The following MEGF9 variants were observed in gnomAD, a reference collection of about 807,000 sequenced individuals.
MEGF9 encodes multiple epidermal growth factor-like domains protein 9.
A neutral mutation model predicts 46.8 loss-of-function variants in MEGF9; 6 were observed. The ratio of observed to expected loss-of-function variants is 0.13; its 90% CI spans 0.07 to 0.25. The LOEUF (loss-of-function observed/expected upper bound fraction) is 0.25. Among genes scored for constraint, MEGF9 ranks in the 10% least tolerant of loss-of-function variants. MEGF9 has a pLI of 1.00. For synonymous variants in MEGF9, 302 were observed against 330.7 expected, an observed-to-expected ratio of 0.91 and a Z score of 0.94; for missense variants, 683 against 792.4, an observed-to-expected ratio of 0.86 and a Z score of 1.66.
At chr9:120,620,135 C>T (rs1198988762) in intron 3 of MEGF9, among the ~76,000 whole-genome samples, 1 of 152,154 alleles carries the variant, frequency 6.6e-6, no homozygotes, top group Non-Finnish European at 1.5e-5. Flanking sequence ...ATTATTTTGC[C>T]TTAAATTATC....
rs2043417780 is a variant in MEGF9 at position 120,605,722 on chromosome 9, G to A, written c.1358-81C>T. 2 of 1,010,490 alleles carry A rather than the reference G, an allele frequency of 2.0e-6. No homozygotes were observed. The highest frequency in any genetic ancestry group is 5.5e-5 in the Admixed American group (2 of 36,650). 62.6% of individuals were successfully genotyped at this position (1,010,490 alleles called of 1,614,324 possible). On this transcript the variant is annotated intron_variant, in intron 5 of 5. Coordinates refer to ENST00000373930, the MANE Select transcript of MEGF9 (RefSeq NM_001080497.3). This position sits in a 1 kb window ranked among gnomAD's most constrained non-coding sequence, Gnocchi z 4.0. ...AACAATAAAAGAAATACGCATGGGA[G>A]TGAATGTTGATGTAGGATGTTAACA... is the stretch of plus-strand genomic sequence containing the variant.
intron 1 of MEGF9, among the ~76,000 whole-genome samples, chr9:120,681,799 G>A (rs1165767493): frequency 6.6e-6 from 1 of 152,132 alleles, no homozygotes. Flanking sequence ...AGGGGAGGCA[G>A]GGACAGGGAG....
chr9:120,665,947 T>C (rs572305937), intron 1 of MEGF9, among the ~76,000 whole-genome samples: 1 of 152,328 alleles, frequency 6.6e-6, no homozygotes, highest in African/African-American at 2.4e-5. Flanking sequence ...TCTGTTCCAC[T>C]GACTTATGTG....
rs1358726833 is a variant in MEGF9, at chr9:120,603,299, G to A, written c.*1891C>T. The A allele has an allele frequency of 1.3e-5, 2 of 152,132 alleles. No individual in the cohort carries two copies. Among genetic ancestry groups the A allele is most frequent in the Non-Finnish European group, 2.9e-5 (2 of 68,020 alleles). 9.4% of individuals were successfully genotyped at this position (152,132 alleles called of 1,614,324 possible). A position where few individuals can be genotyped will look rare whatever the true frequency, so the allele number is the denominator to read the frequency against. On this transcript the variant is annotated 3_prime_UTR_variant, in exon 6 of 6. Transcript: ENST00000373930. ...AGAGAGGACACACATATGGAAAAGTGCTTTGCAAACTACAAAGGGCTATAG... is the reference window on the plus strand; with the variant it reads ...AGAGAGGACACACATATGGAAAAGTACTTTGCAAACTACAAAGGGCTATAG...
intron 4 of MEGF9, among the ~76,000 whole-genome samples, chr9:120,608,893 G>A (rs146026407): frequency 2.0e-5 from 3 of 152,194 alleles, no homozygotes; most frequent in Non-Finnish European, 2.9e-5. Context: ...TCCAATCCAC[G>A]GATGTCTCTT....
chr9:120,712,976 G>C (rs2043960217), intron 1 of MEGF9, among the ~76,000 whole-genome samples: 1 of 152,164 alleles, frequency 6.6e-6, no homozygotes, highest in African/African-American at 2.4e-5. Context: ...GCATATATCA[G>C]CATCAGCAAA....
chr9:120,606,068 A>G (rs1383573884), intron 5 of MEGF9, among the ~76,000 whole-genome samples: 3 of 151,012 alleles, frequency 2.0e-5, no homozygotes, highest in Non-Finnish European at 4.4e-5. Context: ...GCTACTCGAG[A>G]GGCTGAGGCA....
intron 3 of MEGF9, among the ~76,000 whole-genome samples, chr9:120,617,880 G>T (rs1039833476): frequency 6.6e-6 from 1 of 152,204 alleles, no homozygotes; most frequent in African/African-American, 2.4e-5. Flanking sequence ...CTGGATATTT[G>T]CAGTAATAAA....
intron 2 of MEGF9, among the ~76,000 whole-genome samples, chr9:120,628,474 T>TTG (rs2043536274): frequency 1.4e-5 from 2 of 139,068 alleles, no homozygotes; most frequent in Admixed American, 7.2e-5. Flanking sequence ...CGTTGTTTTT[T>TTG]TTTTTTTTTT....
At chr9:120,658,402 A>T (rs968090847) in intron 2 of MEGF9, among the ~76,000 whole-genome samples, 4 of 152,258 alleles carry the variant, frequency 2.6e-5, no homozygotes, top group Non-Finnish European at 4.4e-5. Flanking sequence ...TTTGTCAAGG[A>T]GCTAAAAGTT....
rs114261074 is a variant in MEGF9 at position 120,608,553 on chromosome 9, G to T, written c.1088-543C>A. Among the ~76,000 whole-genome samples, 1,204 of 152,180 alleles carry T rather than the reference G, an allele frequency of 7.9e-3. 23 individuals carry two copies. Among genetic ancestry groups the T allele is most frequent in the African/African-American group, 0.027 (1,102 of 41,522 alleles). On this transcript the variant is annotated intron_variant, in intron 4 of 5. Coordinates refer to ENST00000373930, the MANE Select transcript of MEGF9 (RefSeq NM_001080497.3). The stretch of plus-strand genomic sequence containing the variant: ...TCTCTTCTCTGCTCATTTTCCATGG[G>T]TGGCCTCATCCACTGACATCATCAA...
At chr9:120,654,982 T>C (rs749169856) in intron 2 of MEGF9, among the ~76,000 whole-genome samples, 3 of 152,200 alleles carry the variant, frequency 2.0e-5, no homozygotes, top group Non-Finnish European at 4.4e-5. Context: ...AATGGACTTA[T>C]GTTTAAGCTA....
intron 3 of MEGF9, among the ~76,000 whole-genome samples, chr9:120,620,864 AC>A (rs2043496622): frequency 6.6e-6 from 1 of 151,844 alleles, no homozygotes; most frequent in African/African-American, 2.4e-5. Flanking sequence ...GAAAAAAAAA[AC>A]AATTTCTTCT....
chr9:120,707,012 T>G (rs752768465), intron 1 of MEGF9, among the ~76,000 whole-genome samples: 1 of 152,204 alleles, frequency 6.6e-6, no homozygotes, highest in Non-Finnish European at 1.5e-5. Context: ...TTTCTTTAAA[T>G]GCCAATAATA....
intron 1 of MEGF9, among the ~76,000 whole-genome samples, chr9:120,711,553 T>C (rs183015045): frequency 5.9e-4 from 90 of 152,312 alleles, no homozygotes; most frequent in African/African-American, 2.1e-3. Flanking sequence ...GGAGTGACTT[T>C]CCCTTTTTCC....
intron 1 of MEGF9, among the ~76,000 whole-genome samples, chr9:120,683,923 C>A (rs537986001): frequency 6.6e-6 from 1 of 151,596 alleles, no homozygotes; most frequent in African/African-American, 2.4e-5. Context: ...AAACAAAAAA[C>A]TTACAAGGAA....
chr9:120,650,781 ATG>A (rs2043646057), intron 2 of MEGF9, among the ~76,000 whole-genome samples: 1 of 151,876 alleles, frequency 6.6e-6, no homozygotes, highest in Admixed American at 6.6e-5. Flanking sequence ...CAGATTTCTT[ATG>A]TCATTGTATA....
At chr9:120,645,923 T>C (rs1268049126) in intron 2 of MEGF9, among the ~76,000 whole-genome samples, 5 of 152,118 alleles carry the variant, frequency 3.3e-5, no homozygotes, top group Non-Finnish European at 7.4e-5. Flanking sequence ...GTGGTAGCAA[T>C]TGCTGGAGCA....
intron 2 of MEGF9, among the ~76,000 whole-genome samples, chr9:120,658,087 C>G (rs186127645): frequency 5.9e-5 from 9 of 152,076 alleles, no homozygotes; most frequent in Admixed American, 5.2e-4. Context: ...CGGGTTCAAC[C>G]GATTCTCCTG....
Sources: allele counts gnomAD v4.1 joint callset (sites outside exome capture counted in the v4.1 genomes callset), GRCh38; gene constraint gnomAD v4.1.1; non-coding constraint Gnocchi (gnomAD v3.1); transcripts MANE v1.5; gene names NCBI Gene and HGNC (gene_info 2026-07-23, HGNC 2026-07-21).